GALNTL6: variants seen among roughly 807,000 people sequenced by gnomAD.
GALNTL6 encodes the protein polypeptide N-acetylgalactosaminyltransferase-like 6.
GALNTL6 carries 46 observed loss-of-function variants against 73.7 expected under a neutral mutation model. The ratio of observed to expected loss-of-function variants is 0.62; its 90% CI spans 0.49 to 0.80. The LOEUF (loss-of-function observed/expected upper bound fraction) is 0.80. GALNTL6 is among the 30% of genes least tolerant of loss of function. GALNTL6 has a pLI of 0.00. For missense variants in GALNTL6, 604 were observed against 755.0 expected, an observed-to-expected ratio of 0.80 and a Z score of 2.34; for synonymous variants, 259 against 263.7, an observed-to-expected ratio of 0.98 and a Z score of 0.17.
intron 5 of GALNTL6, among the ~76,000 whole-genome samples, chr4:172,524,777 T>C (rs540301155): frequency 6.6e-6 from 1 of 152,346 alleles, no homozygotes; most frequent in Non-Finnish European, 1.5e-5. Flanking sequence ...AAAATAAAGT[T>C]CTAAAATTGC....
At chr4:172,390,271 A>C (rs1220366940) in intron 5 of GALNTL6, among the ~76,000 whole-genome samples, 1 of 152,194 alleles carries the variant, frequency 6.6e-6, no homozygotes, top group East Asian at 1.9e-4. Flanking sequence ...TTGGGTTACC[A>C]TGGATTGTTT....
chr4:173,030,177 T>C (rs1753399391), intron 12 of GALNTL6, among the ~76,000 whole-genome samples: 1 of 152,240 alleles, frequency 6.6e-6, no homozygotes, highest in African/African-American at 2.4e-5. Flanking sequence ...GTGATTCTTA[T>C]GCAGAAAATT....
At position 172,021,083 on chromosome 4, in the gene GALNTL6, G is replaced by T. The variant is rs145576875; in HGVS notation, c.138+206365G>T. ...AATTTCAATTGATGCTAAAAAAATT[G>T]ATAAAATTCGGCATCCCTTCATGAT... is the stretch of plus-strand genomic sequence containing the variant. On this transcript the variant is annotated intron_variant, in intron 2 of 12. Coordinates refer to ENST00000506823, the MANE Select transcript of GALNTL6 (RefSeq NM_001034845.3). Among the ~76,000 whole-genome samples, 383 of 152,108 alleles carry T rather than the reference G, an allele frequency of 2.5e-3. 1 individual carries two copies. Among genetic ancestry groups the T allele is most frequent in the African/African-American group, 8.9e-3 (368 of 41,528 alleles).
intron 5 of GALNTL6, among the ~76,000 whole-genome samples, chr4:172,536,484 G>T (rs1735349481): frequency 6.6e-6 from 1 of 152,148 alleles, no homozygotes; most frequent in South Asian, 2.1e-4. Flanking sequence ...AGATGGAGAT[G>T]AGGAATGTTT....
intron 5 of GALNTL6, among the ~76,000 whole-genome samples, chr4:172,683,563 A>G (rs149991789): frequency 1.4e-3 from 213 of 152,314 alleles, no homozygotes; most frequent in Non-Finnish European, 2.4e-3. Flanking sequence ...TGAAAAAGTA[A>G]TCTCATAGAT....
At chr4:172,220,985 G>A (rs1426442989) in intron 2 of GALNTL6, among the ~76,000 whole-genome samples, 1 of 151,798 alleles carries the variant, frequency 6.6e-6, no homozygotes, top group African/African-American at 2.4e-5. Context: ...ACTTAGCCAT[G>A]CTATTATCCA....
At chr4:172,365,327 G>T (rs541651572) in intron 5 of GALNTL6, among the ~76,000 whole-genome samples, 4 of 151,956 alleles carry the variant, frequency 2.6e-5, no homozygotes, top group African/African-American at 9.7e-5. Flanking sequence ...TTGGGGAAGG[G>T]TTTATCTTAG....
At chr4:172,602,099 T>C (rs1738079097) in intron 5 of GALNTL6, among the ~76,000 whole-genome samples, 2 of 152,172 alleles carry the variant, frequency 1.3e-5, no homozygotes, top group South Asian at 4.1e-4. Context: ...TAACTTAGGA[T>C]TTTATATCTA....
chr4:172,598,994 C>A (rs1292588080), intron 5 of GALNTL6, among the ~76,000 whole-genome samples: 1 of 152,026 alleles, frequency 6.6e-6, no homozygotes, highest in Non-Finnish European at 1.5e-5. Context: ...GTCTTTCCTT[C>A]ATAAAGTAGG....
chr4:172,483,641 G>A (rs771386917), intron 5 of GALNTL6, among the ~76,000 whole-genome samples: 1 of 151,378 alleles, frequency 6.6e-6, no homozygotes, highest in East Asian at 1.9e-4. Flanking sequence ...AGAAGACTGT[G>A]AGTGTTTAAT....
intron 11 of GALNTL6, among the ~76,000 whole-genome samples, chr4:173,015,797 G>A (rs751092588): frequency 7.2e-5 from 11 of 152,156 alleles, no homozygotes; most frequent in East Asian, 1.9e-4. Flanking sequence ...TAATTAATGA[G>A]CAGCCAAATG....
At chr4:172,035,295 CA>C (rs1396152674) in intron 2 of GALNTL6, among the ~76,000 whole-genome samples, 1 of 151,972 alleles carries the variant, frequency 6.6e-6, no homozygotes, top group Non-Finnish European at 1.5e-5. Flanking sequence ...GTAGGCAGGA[CA>C]AAGTTTCCTG....
intron 10 of GALNTL6, among the ~76,000 whole-genome samples, chr4:172,957,813 G>A (rs550355945): frequency 6.6e-6 from 1 of 152,100 alleles, no homozygotes. Flanking sequence ...GGTAGTGGAG[G>A]GGGGCAGAGC....
At chr4:171,989,916 A>G (rs1009545792) in intron 2 of GALNTL6, among the ~76,000 whole-genome samples, 1 of 152,206 alleles carries the variant, frequency 6.6e-6, no homozygotes, top group African/African-American at 2.4e-5. Flanking sequence ...ATAAAGAAAA[A>G]GGAGCATTAA....
intron 5 of GALNTL6, among the ~76,000 whole-genome samples, chr4:172,786,218 A>G (rs1739647698): frequency 6.6e-6 from 1 of 152,246 alleles, no homozygotes; most frequent in South Asian, 2.1e-4. Flanking sequence ...ACTTCAGAAA[A>G]CATAAATCTT....
intron 2 of GALNTL6, among the ~76,000 whole-genome samples, chr4:171,984,743 C>T (rs2111085408): frequency 6.6e-6 from 1 of 152,234 alleles, no homozygotes; most frequent in Admixed American, 6.5e-5. Flanking sequence ...ATTAAACTAG[C>T]TCTTAGATTA....
intron 2 of GALNTL6, among the ~76,000 whole-genome samples, chr4:172,148,198 G>C (rs1560942080): frequency 6.6e-6 from 1 of 151,968 alleles, no homozygotes; most frequent in Non-Finnish European, 1.5e-5. Context: ...GTACAATTCT[G>C]AGTATTTCTT....
At chr4:172,097,308 C>T (rs1433771440) in intron 2 of GALNTL6, among the ~76,000 whole-genome samples, 2 of 152,108 alleles carry the variant, frequency 1.3e-5, no homozygotes, top group Admixed American at 6.6e-5. Context: ...TCTCAATATC[C>T]TCCTAGGGGC....
intron 8 of GALNTL6, among the ~76,000 whole-genome samples, chr4:172,914,798 CA>C (rs1476323238): frequency 5.3e-5 from 8 of 152,050 alleles, no homozygotes; most frequent in Non-Finnish European, 1.5e-5. Context: ...GCAATAATAA[CA>C]GGAGACTTTA....
Sources: allele counts gnomAD v4.1 joint callset (sites outside exome capture counted in the v4.1 genomes callset), GRCh38; gene constraint gnomAD v4.1.1; transcripts MANE v1.5; gene names NCBI Gene and HGNC (gene_info 2026-07-23, HGNC 2026-07-21).